The following ZNF423 variants were observed in gnomAD, a reference collection of about 807,000 sequenced individuals.
The protein encoded by ZNF423 is zinc finger protein 423, also known as Ebf-associated zinc finger protein.
ZNF423 carries 12 observed loss-of-function variants against 95.8 expected under a neutral mutation model. That is an observed-to-expected ratio of 0.13 (90% CI 0.08 to 0.20). The LOEUF is 0.20. ZNF423 is among the 10% of genes least tolerant of loss of function. The pLI is 1.00. For missense variants in ZNF423, 1,316 were observed against 1,737.1 expected (o/e 0.76, Z 4.31); for synonymous variants, 749 against 711.9 (o/e 1.05, Z -0.83).
At chr16:49,687,115 A>T (rs1191716103) in intron 3 of ZNF423, among the ~76,000 whole-genome samples, 1 of 151,886 alleles carries the variant, frequency 6.6e-6, no homozygotes, top group Non-Finnish European at 1.5e-5. Flanking sequence ...GTTACTGTTC[A>T]TACACCACCC....
chr16:49,575,434 A>C (rs1377926900), intron 5 of ZNF423, among the ~76,000 whole-genome samples: 1 of 151,678 alleles, frequency 6.6e-6, no homozygotes, highest in Admixed American at 6.6e-5. Flanking sequence ...CAGCCCCTTC[A>C]CTCTCTAGGT....
intron 1 of ZNF423, among the ~76,000 whole-genome samples, chr16:49,807,511 C>T (rs767316086): frequency 6.6e-6 from 1 of 152,004 alleles, no homozygotes; most frequent in Non-Finnish European, 1.5e-5. Flanking sequence ...AACACTTTTT[C>T]ATTCCACAAA....
chr16:49,678,106 T>C (rs1454012693), intron 3 of ZNF423, among the ~76,000 whole-genome samples: 1 of 151,974 alleles, frequency 6.6e-6, no homozygotes. Context: ...TTGCTTGAGC[T>C]TGGGAGGTGA....
At chr16:49,831,296 T>A (rs2035058615) in intron 1 of ZNF423, among the ~76,000 whole-genome samples, 2 of 152,314 alleles carry the variant, frequency 1.3e-5, no homozygotes, top group African/African-American at 4.8e-5. Flanking sequence ...TTTGTAAATC[T>A]CTCTTTACTT....
chr16:49,841,643 T>C (rs562312920), intron 1 of ZNF423, among the ~76,000 whole-genome samples: 2 of 152,142 alleles, frequency 1.3e-5, no homozygotes, highest in South Asian at 2.1e-4. Context: ...CCCCCGAAAC[T>C]CTCTCACCCC....
intron 3 of ZNF423, among the ~76,000 whole-genome samples, chr16:49,669,631 G>C (rs2030714588): frequency 3.9e-5 from 6 of 152,202 alleles, no homozygotes; most frequent in Admixed American, 3.9e-4. Flanking sequence ...AGACCCCTTG[G>C]AAAGCCCAAA....
At chr16:49,795,028 T>C (rs539495099) in intron 1 of ZNF423, among the ~76,000 whole-genome samples, 12 of 152,100 alleles carry the variant, frequency 7.9e-5, no homozygotes, top group East Asian at 1.9e-4. Flanking sequence ...CTTATCACCA[T>C]GCCCGGCTAA....
intron 3 of ZNF423, among the ~76,000 whole-genome samples, chr16:49,699,555 A>G (rs2032098730): frequency 6.6e-6 from 1 of 151,878 alleles, no homozygotes; most frequent in African/African-American, 2.4e-5. Context: ...GAGGTTTGCC[A>G]TCTGATTTGG....
intron 5 of ZNF423, among the ~76,000 whole-genome samples, chr16:49,562,572 T>G (rs1970053450): frequency 1.3e-5 from 2 of 152,010 alleles, no homozygotes; most frequent in South Asian, 4.1e-4. Flanking sequence ...CCACAAAAAG[T>G]TGTCTATGAT....
intron 2 of ZNF423, among the ~76,000 whole-genome samples, chr16:49,740,752 G>A (rs2033397728): frequency 6.6e-6 from 1 of 152,218 alleles, no homozygotes; most frequent in Non-Finnish European, 1.5e-5. Flanking sequence ...TTGCTGGGCT[G>A]CTCCGTCTGG....
intron 3 of ZNF423, among the ~76,000 whole-genome samples, chr16:49,717,223 G>T (rs35494755): frequency 0.026 from 3,908 of 151,986 alleles, 185 homozygotes; most frequent in African/African-American, 0.091. Flanking sequence ...CTCCCCCACT[G>T]CCCTGGCACA....
chr16:49,689,589 C>T (rs531165387), intron 3 of ZNF423, among the ~76,000 whole-genome samples: 11 of 152,168 alleles, frequency 7.2e-5, no homozygotes, highest in Middle Eastern at 3.4e-3. Flanking sequence ...GTGTCTGTGA[C>T]GGAACAAGGA....
At position 49,488,996 on chromosome 16, in the gene ZNF423, C is replaced by T. The variant is rs1030105604; in HGVS notation, c.*2279G>A. 1 of 152,248 alleles carries T rather than the reference C, an allele frequency of 6.6e-6. No individual in the cohort carries two copies. The highest frequency in any genetic ancestry group is 2.4e-5 in the African/African-American group (1 of 41,466). The allele number at this position is 152,248 out of a possible 1,614,324, so 9.4% of individuals were successfully genotyped here. A position where few individuals can be genotyped will look rare whatever the true frequency, so the allele number is the denominator to read the frequency against. On this transcript the variant is annotated 3_prime_UTR_variant, in exon 8 of 8. Coordinates refer to ENST00000563137, the MANE Select transcript of ZNF423 (RefSeq NM_001379286.1). Reference sequence around the variant, plus strand: ...ATAAACCTCATTACCTCACGGTCCCCTAGGCCGCCTCTCTCCTTACCCAAG... The same window carrying T: ...ATAAACCTCATTACCTCACGGTCCCTTAGGCCGCCTCTCTCCTTACCCAAG...
intron 1 of ZNF423, among the ~76,000 whole-genome samples, chr16:49,815,914 A>AT (rs58692079): frequency 0.014 from 403 of 29,760 alleles, 20 homozygotes; most frequent in Non-Finnish European, 0.019. Flanking sequence ...ATATATATAT[A>AT]TTTTTTTTTT....
At chr16:49,834,262 T>A (rs1382771616) in intron 1 of ZNF423, among the ~76,000 whole-genome samples, 1 of 151,996 alleles carries the variant, frequency 6.6e-6, no homozygotes, top group African/African-American at 2.4e-5. Context: ...TGCCTCATCA[T>A]GAAAATACAG....
chr16:49,510,998 T>C (rs894606244), intron 7 of ZNF423, among the ~76,000 whole-genome samples: 3 of 152,192 alleles, frequency 2.0e-5, no homozygotes, highest in Non-Finnish European at 4.4e-5. Flanking sequence ...AGCCGGAGGC[T>C]GATTCCAAGT....
intron 1 of ZNF423, among the ~76,000 whole-genome samples, chr16:49,815,734 G>C (rs1338114769): frequency 1.3e-5 from 2 of 151,292 alleles, no homozygotes; most frequent in African/African-American, 4.9e-5. Flanking sequence ...GCAGGCTTGG[G>C]TATAAGCAGG....
intron 5 of ZNF423, among the ~76,000 whole-genome samples, chr16:49,610,716 G>A (rs896117286): frequency 1.3e-5 from 2 of 151,970 alleles, no homozygotes; most frequent in Admixed American, 1.3e-4. Context: ...CTAATTAAAA[G>A]ATGAAGATTG....
At chr16:49,504,193 A>G (rs776713040) in intron 7 of ZNF423, among the ~76,000 whole-genome samples, 5 of 152,214 alleles carry the variant, frequency 3.3e-5, no homozygotes, top group Non-Finnish European at 7.3e-5. Flanking sequence ...ATTGCACAAC[A>G]GTGTCAATGT....
Sources: gnomAD v4.1 joint callset for allele counts (sites outside exome capture counted in the v4.1 genomes callset) on GRCh38, gnomAD v4.1.1 for gene constraint, MANE v1.5 for transcripts, NCBI Gene and HGNC (gene_info 2026-07-23, HGNC 2026-07-21) for gene names.